SCYL3: variants seen among roughly 807,000 people sequenced by gnomAD.
The protein encoded by SCYL3 is protein-associating with the carboxyl-terminal domain of ezrin.
A neutral mutation model predicts 73.8 loss-of-function variants in SCYL3; 35 were observed. The observed-to-expected ratio is 0.47, with a 90% CI of 0.36 to 0.63. The LOEUF is 0.63. Ranked by LOEUF, SCYL3 falls within the 20% of genes least tolerant of loss-of-function variation. The pLI is 0.00. For synonymous variants in SCYL3, 277 were observed against 295.2 expected, an observed-to-expected ratio of 0.94 and a Z score of 0.63; for missense variants, 712 against 798.9, an observed-to-expected ratio of 0.89 and a Z score of 1.31.
At chr1:169,870,453 T>A in intron 5 of SCYL3, 96 bp from the exon 6 acceptor site, 1 of 749,210 alleles carries the variant, frequency 1.3e-6, no homozygotes, top group Non-Finnish European at 2.3e-6. Flanking sequence ...GTATTTATTA[T>A]ACTCAAATCT....
chr1:169,856,737 C>T (rs1001923341), intron 11 of SCYL3, among the ~76,000 whole-genome samples: 2 of 152,176 alleles, frequency 1.3e-5, no homozygotes, highest in African/African-American at 2.4e-5. Context: ...GACTTAATTT[C>T]CTATTTCCCT....
chr1:169,854,033 T>C (rs1293491284), intron 12 of SCYL3: 1 of 555,716 alleles, frequency 1.8e-6, no homozygotes, highest in Non-Finnish European at 3.1e-6. Flanking sequence ...TTTTAATCCC[T>C]TTTTTTTCTT....
At chr1:169,882,950 C>T (rs1661401375) in intron 2 of SCYL3, among the ~76,000 whole-genome samples, 1 of 152,172 alleles carries the variant, frequency 6.6e-6, no homozygotes, top group South Asian at 2.1e-4. Context: ...TGGCAACCCT[C>T]TCAGGTCCGC....
rs146451543 is a variant in SCYL3 at position 169,865,083 on chromosome 1, C to T, written c.816-575G>A. Among the ~76,000 whole-genome samples, 5 of 152,110 alleles carry T rather than the reference C, an allele frequency of 3.3e-5. No homozygotes were observed. The East Asian group carries it at 9.7e-4, about 29-fold the overall frequency. ...TATCCCCTTACTAATAGTCAAAGTG[C>T]CCTCCTTTTTACCCTAAGAAGACAG... is the stretch of plus-strand genomic sequence containing the variant. On this transcript the variant is annotated intron_variant, in intron 8 of 12. Transcript: ENST00000367771.
intron 11 of SCYL3, chr1:169,855,869 G>A (rs1251803458): frequency 4.6e-5 from 75 of 1,613,834 alleles, no homozygotes; most frequent in Non-Finnish European, 5.8e-5. Flanking sequence ...TGCCAGAAAA[G>A]AAACATTTAG....
At chr1:169,871,357 G>T (rs1660379228) in intron 5 of SCYL3, among the ~76,000 whole-genome samples, 1 of 152,164 alleles carries the variant, frequency 6.6e-6, no homozygotes, top group South Asian at 2.1e-4. Flanking sequence ...TTAAAAAAGG[G>T]GAGTTTCCCT....
chr1:169,862,571 C>T, intron 10 of SCYL3, 42 bp downstream of exon 10: 1 of 1,605,366 alleles, frequency 6.2e-7, no homozygotes. Flanking sequence ...GCACTCTTCC[C>T]TCAGGTTCTG....
intron 1 of SCYL3, 103 bp downstream of exon 1, chr1:169,893,685 C>T (rs1401256619): frequency 1.3e-5 from 2 of 151,432 alleles, no homozygotes; most frequent in East Asian, 3.9e-4. Context: ...AGAGCGCAGA[C>T]CCGCGAGCGG....
At chr1:169,857,432 T>G (rs1459983686) in intron 11 of SCYL3, among the ~76,000 whole-genome samples, 1 of 152,224 alleles carries the variant, frequency 6.6e-6, no homozygotes, top group Non-Finnish European at 1.5e-5. Flanking sequence ...TTTCTGAGTA[T>G]TTTTGATCCA....
At chr1:169,865,363 G>T (rs541332050) in intron 8 of SCYL3, among the ~76,000 whole-genome samples, 2 of 152,012 alleles carry the variant, frequency 1.3e-5, no homozygotes, top group South Asian at 4.2e-4. Flanking sequence ...CCCCTACACC[G>T]CTATCAGCAA....
At chr1:169,886,500 C>G (rs571097559) in intron 2 of SCYL3, among the ~76,000 whole-genome samples, 1 of 152,164 alleles carries the variant, frequency 6.6e-6, no homozygotes, top group Non-Finnish European at 1.5e-5. Flanking sequence ...TCCAACAATA[C>G]TAAATAGAGC....
chr1:169,891,802 T>C (rs1662105239), intron 1 of SCYL3, among the ~76,000 whole-genome samples: 1 of 152,246 alleles, frequency 6.6e-6, no homozygotes, highest in Non-Finnish European at 1.5e-5. Flanking sequence ...TTAATTTACT[T>C]AGCTATTTCT....
At position 169,867,760 on chromosome 1, in the gene SCYL3, T is replaced by G. The variant is rs74564100; in HGVS notation, c.738-787A>C. ...CTGGCTCCTACTGTTGTCTCTTAAC[T>G]GGGGTTTCTCCCCACATTAACAGTG... On this transcript the variant is annotated intron_variant, in intron 7 of 12. Transcript: ENST00000367771. 2.4e-3 allele frequency among the ~76,000 whole-genome samples: 370 copies of G among 152,348 alleles called. 2 individuals are homozygous for G. Among genetic ancestry groups the G allele is most frequent in the Non-Finnish European group, 4.3e-3 (292 of 68,040 alleles).
rs1553258373 is a variant in SCYL3 at position 169,853,903 on chromosome 1, A to ATAAC, written c.2008-135_2008-132dup. On this transcript the variant is annotated intron_variant, in intron 12 of 12. Transcript: ENST00000367771. ...GAAACACTACCTCGTACTAAGTAAA[A>ATAAC]TAACTTAGAGCTCTAACAGAAAGTT... The ATAAC allele has an allele frequency of 1.3e-5, 13 of 977,986 alleles. No homozygotes were observed. In the African/African-American group the frequency reaches 1.8e-4, roughly 14 times the overall value. 60.6% of individuals were successfully genotyped at this position (977,986 alleles called of 1,614,324 possible).
In SCYL3 at chr1:169,850,453, GTGCTGAGCACA is replaced by G; in HGVS notation, c.*3249_*3259del. 4.0e-6 allele frequency: 3 copies of G among 750,588 alleles called. No homozygotes were observed. The highest frequency in any genetic ancestry group is 6.7e-6 in the Non-Finnish European group (3 of 450,560). The allele number at this position is 750,588 out of a possible 1,614,324, so 46.5% of individuals were successfully genotyped here. On this transcript the variant is annotated 3_prime_UTR_variant, in exon 13 of 13. Transcript: ENST00000367771. ...GTCTTCTTAGCTTAAACTTTTCACA[GTGCTGAGCACA>G]GTGCTGACGACTTTTACTAAGCAAT...
chr1:169,873,612 G>C (rs1660585858), intron 5 of SCYL3, 84 bp downstream of exon 5: 1 of 828,858 alleles, frequency 1.2e-6, no homozygotes, highest in Non-Finnish European at 2.0e-6. Flanking sequence ...AGTAAAGAAA[G>C]GAGTAAGCAG....
At chr1:169,872,967 T>C (rs924134693) in intron 5 of SCYL3, among the ~76,000 whole-genome samples, 3 of 152,174 alleles carry the variant, frequency 2.0e-5, no homozygotes, top group Non-Finnish European at 4.4e-5. Context: ...CATTGGACTA[T>C]GGACTTTTGA....
chr1:169,864,699 C>A (rs972452470), intron 8 of SCYL3, among the ~76,000 whole-genome samples, 191 bp from the exon 9 acceptor site: 2 of 152,172 alleles, frequency 1.3e-5, no homozygotes, highest in African/African-American at 4.8e-5. Flanking sequence ...GTGGCTCACA[C>A]CTGTAATCCC....
chr1:169,852,165 T>C lies in SCYL3; in HGVS notation c.*1548A>G. On this transcript the variant is annotated 3_prime_UTR_variant, in exon 13 of 13. Transcript: ENST00000367771. ...ATGTTTGAATTATTGGTAGTAACCTTTAAGGGAAGTTACATATTGTACCAG... is the reference window on the plus strand; with the variant it reads ...ATGTTTGAATTATTGGTAGTAACCTCTAAGGGAAGTTACATATTGTACCAG... 1 of 577,310 alleles carries C rather than the reference T, an allele frequency of 1.7e-6. No individual in the cohort carries two copies. Among genetic ancestry groups the C allele is most frequent in the East Asian group, 3.1e-5 (1 of 32,056 alleles). The allele number at this position is 577,310 out of a possible 1,614,324, so 35.8% of individuals were successfully genotyped here.
Sources: gnomAD v4.1 joint callset for allele counts (sites outside exome capture counted in the v4.1 genomes callset) on GRCh38, gnomAD v4.1.1 for gene constraint, MANE v1.5 for transcripts, NCBI Gene and HGNC (gene_info 2026-07-23, HGNC 2026-07-21) for gene names.